The following PLD5 variants were observed in gnomAD, a reference collection of about 807,000 sequenced individuals.
PLD5 encodes the protein inactive phospholipase D5.
PLD5 carries 36 observed loss-of-function variants against 61.1 expected under a neutral mutation model. That is an observed-to-expected ratio of 0.59 (90% CI 0.45 to 0.78). PLD5 has a LOEUF of 0.78. Among genes scored for constraint, PLD5 ranks in the 30% least tolerant of loss-of-function variants. The pLI is 0.00. For synonymous variants in PLD5, 243 were observed against 242.8 expected (o/e 1.00, Z -0.01); for missense variants, 515 against 644.4 (o/e 0.80, Z 2.17).
At chr1:242,446,437 G>T (rs927515729) in intron 1 of PLD5, among the ~76,000 whole-genome samples, 2 of 151,970 alleles carry the variant, frequency 1.3e-5, no homozygotes, top group African/African-American at 4.8e-5. Flanking sequence ...TGGGTGTGGT[G>T]GTGCATGCCT....
At position 242,249,816 on chromosome 1, in the gene PLD5, T is replaced by C. The variant is rs1336440331; in HGVS notation, c.607+15521A>G. On this transcript the variant is annotated intron_variant, in intron 4 of 9. Transcript: ENST00000536534. ...ACATTAACCAAAGTAGTCTGAATTA[T>C]ATCAACCTTTCAAATGCCATTTTCA... 6.6e-5 allele frequency among the ~76,000 whole-genome samples: 10 copies of C among 152,366 alleles called. No individual in the cohort carries two copies. The East Asian group carries it at 1.9e-3, about 29-fold the overall frequency.
At chr1:242,489,104 A>C (rs1421168079) in intron 1 of PLD5, among the ~76,000 whole-genome samples, 1 of 152,186 alleles carries the variant, frequency 6.6e-6, no homozygotes, top group Non-Finnish European at 1.5e-5. Flanking sequence ...GAAGCCAGAC[A>C]CAAATGAGTA....
chr1:242,424,765 C>T (rs2102877802), intron 1 of PLD5, among the ~76,000 whole-genome samples: 1 of 152,292 alleles, frequency 6.6e-6, no homozygotes, highest in Middle Eastern at 3.4e-3. Flanking sequence ...TCACAGACAG[C>T]TCCTTTCTAT....
intron 4 of PLD5, among the ~76,000 whole-genome samples, chr1:242,261,017 T>C (rs1673345752): frequency 6.6e-6 from 1 of 152,220 alleles, no homozygotes; most frequent in Admixed American, 6.5e-5. Flanking sequence ...ACAATTTCAG[T>C]AGTTTTATGA....
At chr1:242,347,087 G>T (rs183261738) in intron 2 of PLD5, among the ~76,000 whole-genome samples, 3 of 152,106 alleles carry the variant, frequency 2.0e-5, no homozygotes, top group Non-Finnish European at 4.4e-5. Context: ...GCTTTGCTCT[G>T]TATGTAATAC....
chr1:242,453,583 A>G (rs1415850533), intron 1 of PLD5, among the ~76,000 whole-genome samples: 1 of 152,204 alleles, frequency 6.6e-6, no homozygotes, highest in African/African-American at 2.4e-5. Context: ...TCAAATGCTC[A>G]TCCTGCATTC....
intron 1 of PLD5, among the ~76,000 whole-genome samples, chr1:242,502,659 ATGTGTGTATGTGCGTGTG>A (rs933951792): frequency 9.2e-5 from 14 of 152,088 alleles, no homozygotes; most frequent in Admixed American, 3.3e-4. Flanking sequence ...ATGGGCATGT[ATGTGTGTATGTGCGTGTG>A]TGTGTGTATG....
chr1:242,462,530 G>A (rs1039059555), intron 1 of PLD5, among the ~76,000 whole-genome samples: 2 of 151,594 alleles, frequency 1.3e-5, no homozygotes, highest in Admixed American at 6.6e-5. Context: ...CCTGGGTGAC[G>A]GGATCCATAC....
chr1:242,339,041 C>T (rs1191897468), intron 2 of PLD5, among the ~76,000 whole-genome samples: 2 of 152,100 alleles, frequency 1.3e-5, no homozygotes, highest in East Asian at 3.8e-4. Context: ...ACATGATAGT[C>T]TTTACATATA....
intron 1 of PLD5, among the ~76,000 whole-genome samples, chr1:242,450,207 A>G (rs564240462): frequency 5.3e-5 from 8 of 152,350 alleles, no homozygotes; most frequent in African/African-American, 1.7e-4. Flanking sequence ...CAGCAGCTGA[A>G]CCTCATCCAA....
chr1:242,311,756 T>G, intron 2 of PLD5, among the ~76,000 whole-genome samples: 1 of 152,146 alleles, frequency 6.6e-6, no homozygotes, highest in Non-Finnish European at 1.5e-5. Context: ...ATGTCTTTCC[T>G]CAAATTGGGG....
chr1:242,379,547 GAA>G (rs1478649362), intron 1 of PLD5, among the ~76,000 whole-genome samples: 1 of 151,966 alleles, frequency 6.6e-6, no homozygotes, highest in East Asian at 1.9e-4. Context: ...TAGCATCCAG[GAA>G]AAGTTTTATG....
intron 1 of PLD5, among the ~76,000 whole-genome samples, chr1:242,376,657 T>A (rs147743086): frequency 0.031 from 4,717 of 152,240 alleles, 235 homozygotes; most frequent in African/African-American, 0.11. Context: ...CAAATGGTTT[T>A]CCACTAAATA....
chr1:242,398,835 A>T (rs1243693946), intron 1 of PLD5, among the ~76,000 whole-genome samples: 1 of 152,238 alleles, frequency 6.6e-6, no homozygotes, highest in Non-Finnish European at 1.5e-5. Context: ...ATTTTTGTAG[A>T]CATGGCATGT....
intron 1 of PLD5, among the ~76,000 whole-genome samples, chr1:242,482,605 G>A (rs918443538): frequency 6.6e-6 from 1 of 152,208 alleles, no homozygotes; most frequent in Non-Finnish European, 1.5e-5. Flanking sequence ...AAGTAATGGG[G>A]AGAATGGAAC....
chr1:242,212,056 A>G (rs1212454789), intron 5 of PLD5, among the ~76,000 whole-genome samples: 1 of 152,216 alleles, frequency 6.6e-6, no homozygotes, highest in African/African-American at 2.4e-5. Context: ...CTTTAATGCT[A>G]TGGGCCTTAG....
chr1:242,505,471 C>T lies in PLD5; in HGVS notation c.189+18617G>A, dbSNP rs138140868. Among the ~76,000 whole-genome samples the T allele has an allele frequency of 3.1e-3, 475 of 152,272 alleles. 3 individuals carry two copies. Among genetic ancestry groups the T allele is most frequent in the African/African-American group, 0.011 (455 of 41,546 alleles). ...ACAATAGCCAAGTTCTGGAATCAACCTAAGTGTCCATCAACTGATGAACAG... is the reference window on the plus strand; with the variant it reads ...ACAATAGCCAAGTTCTGGAATCAACTTAAGTGTCCATCAACTGATGAACAG... On this transcript the variant is annotated intron_variant, in intron 1 of 9. Coordinates refer to ENST00000536534, the MANE Select transcript of PLD5 (RefSeq NM_001372062.1).
intron 5 of PLD5, among the ~76,000 whole-genome samples, chr1:242,156,826 G>A (rs904950288): frequency 6.6e-5 from 10 of 152,192 alleles, no homozygotes; most frequent in African/African-American, 2.2e-4. Context: ...TGACAATTAT[G>A]TGTCTTGTGT....
At chr1:242,183,015 T>C (rs1482561219) in intron 5 of PLD5, among the ~76,000 whole-genome samples, 2 of 152,168 alleles carry the variant, frequency 1.3e-5, no homozygotes, top group African/African-American at 4.8e-5. Context: ...CTAACTCAAG[T>C]ATTCATTTCA....
Sources: allele counts gnomAD v4.1 joint callset (sites outside exome capture counted in the v4.1 genomes callset), GRCh38; gene constraint gnomAD v4.1.1; transcripts MANE v1.5; gene names NCBI Gene and HGNC (gene_info 2026-07-23, HGNC 2026-07-21).